The following KCNK10 variants were observed in gnomAD, a reference collection of about 807,000 sequenced individuals.
KCNK10 encodes the protein potassium two pore domain channel subfamily K member 10.
In KCNK10, 25 loss-of-function variants were observed where a neutral mutation model predicts 47.7. That is an observed-to-expected ratio of 0.52 (90% confidence interval 0.38 to 0.73). The LOEUF is 0.73. Ranked by LOEUF, KCNK10 falls within the 30% of genes least tolerant of loss-of-function variation. The pLI is 0.00. For synonymous variants in KCNK10, 303 were observed against 285.6 expected (o/e 1.06, Z -0.61); for missense variants, 563 against 714.5 (o/e 0.79, Z 2.42).
chr14:88,278,113 C>A (rs535648646), intron 1 of KCNK10, among the ~76,000 whole-genome samples: 2 of 152,110 alleles, frequency 1.3e-5, no homozygotes, highest in Non-Finnish European at 2.9e-5. Context: ...TGAGAGCTGG[C>A]GGTATCTTCA....
intron 4 of KCNK10, among the ~76,000 whole-genome samples, chr14:88,208,551 G>GT (rs1357666661): frequency 8.5e-5 from 13 of 152,106 alleles, no homozygotes; most frequent in African/African-American, 2.9e-4. Flanking sequence ...GAAAGAAAGT[G>GT]GTAATAACAT....
At chr14:88,233,364 T>C (rs959660277) in intron 3 of KCNK10, among the ~76,000 whole-genome samples, 1 of 152,164 alleles carries the variant, frequency 6.6e-6, no homozygotes, top group African/African-American at 2.4e-5. Flanking sequence ...AGACTTACCT[T>C]TAGTAAGAAA....
chr14:88,190,140 A>T (rs1342148799), intron 5 of KCNK10, among the ~76,000 whole-genome samples: 1 of 152,172 alleles, frequency 6.6e-6, no homozygotes, highest in Non-Finnish European at 1.5e-5. Context: ...TAATAAAAGC[A>T]TCACTTAAAA....
intron 4 of KCNK10, among the ~76,000 whole-genome samples, chr14:88,216,687 C>T (rs924072143): frequency 2.0e-5 from 3 of 152,184 alleles, no homozygotes; most frequent in Non-Finnish European, 4.4e-5. Context: ...CCCAAATGTA[C>T]ATTCTGGCCC....
At chr14:88,195,635 C>G (rs1884888495) in intron 4 of KCNK10, among the ~76,000 whole-genome samples, 1 of 152,158 alleles carries the variant, frequency 6.6e-6, no homozygotes, top group Non-Finnish European at 1.5e-5. Context: ...GGTTTGAGCT[C>G]TCAGACAGTC....
At chr14:88,232,305 G>C (rs1408477331) in intron 3 of KCNK10, among the ~76,000 whole-genome samples, 1 of 152,162 alleles carries the variant, frequency 6.6e-6, no homozygotes, top group East Asian at 1.9e-4. Flanking sequence ...AAGGGAACAG[G>C]CCAATATTTG....
At chr14:88,217,861 T>A (rs899020193) in intron 4 of KCNK10, among the ~76,000 whole-genome samples, 1 of 152,110 alleles carries the variant, frequency 6.6e-6, no homozygotes, top group African/African-American at 2.4e-5. Flanking sequence ...TAGCTAGAAC[T>A]ATAAGCACAC....
intron 1 of KCNK10, among the ~76,000 whole-genome samples, chr14:88,297,686 T>G (rs936329833): frequency 1.3e-5 from 2 of 152,194 alleles, no homozygotes; most frequent in Non-Finnish European, 2.9e-5. Context: ...AATTTTCCTT[T>G]AAAAGAATTC....
intron 4 of KCNK10, among the ~76,000 whole-genome samples, chr14:88,207,544 G>A (rs2139846547): frequency 6.6e-6 from 1 of 152,246 alleles, no homozygotes; most frequent in South Asian, 2.1e-4. Flanking sequence ...GATAGGGGAT[G>A]TCTCACTATG....
chr14:88,203,076 A>G (rs972890053), intron 4 of KCNK10, among the ~76,000 whole-genome samples: 1 of 152,128 alleles, frequency 6.6e-6, no homozygotes, highest in African/African-American at 2.4e-5. Context: ...ATGTTATATA[A>G]AGAAACAGGG....
chr14:88,260,757 G>A lies in KCNK10; in HGVS notation c.402+2445C>T, dbSNP rs1315031515. Among the ~76,000 whole-genome samples the A allele has an allele frequency of 6.6e-6, 1 of 152,176 alleles. No homozygotes were observed. The highest frequency in any genetic ancestry group is 1.5e-5 in the Non-Finnish European group (1 of 68,024). On this transcript the variant is annotated intron_variant, in intron 2 of 6. Transcript: ENST00000319231. The surrounding 1 kb of genome is among the most constrained non-coding windows in gnomAD (Gnocchi z 4.5). ...ATATGATGCCCAGCTCATAACAGAT[G>A]CCTAATAAAGAGCAGCTTTTTAAAT...
At chr14:88,243,550 G>A (rs1886539830) in intron 2 of KCNK10, among the ~76,000 whole-genome samples, 1 of 152,192 alleles carries the variant, frequency 6.6e-6, no homozygotes. Flanking sequence ...AGGCAGAAGA[G>A]ACCTCACGAG....
chr14:88,204,629 C>T (rs1028808629), intron 4 of KCNK10, among the ~76,000 whole-genome samples: 1 of 149,832 alleles, frequency 6.7e-6, no homozygotes, highest in Non-Finnish European at 1.5e-5. Context: ...TGACCCCTCT[C>T]TCTTGCTGTA....
rs1054356631 is a variant in KCNK10, at chr14:88,268,887, C to T, written c.53-5336G>A. 3.9e-5 allele frequency among the ~76,000 whole-genome samples: 6 copies of T among 152,160 alleles called. No individual in the cohort carries two copies. The South Asian group carries it at 6.2e-4, about 16-fold the overall frequency. ...CCTCAAGAATATCTGCATGGCTGGG[C>T]GCAGTGGCTCACACCTGTAATCCCA... On this transcript the variant is annotated intron_variant, in intron 1 of 6. Transcript: ENST00000319231.
intron 2 of KCNK10, among the ~76,000 whole-genome samples, chr14:88,244,313 T>A (rs1189226484): frequency 1.3e-5 from 2 of 152,244 alleles, no homozygotes; most frequent in Non-Finnish European, 2.9e-5. Context: ...CGAAGTATTT[T>A]CAAATGATCT....
intron 2 of KCNK10, among the ~76,000 whole-genome samples, chr14:88,249,939 A>C (rs1194143831): frequency 6.6e-6 from 1 of 152,184 alleles, no homozygotes; most frequent in Non-Finnish European, 1.5e-5. Context: ...AGTTATATAA[A>C]TGAATACATT....
At chr14:88,243,526 T>C (rs1886538930) in intron 2 of KCNK10, among the ~76,000 whole-genome samples, 1 of 152,188 alleles carries the variant, frequency 6.6e-6, no homozygotes, top group African/African-American at 2.4e-5. Context: ...AGGATAGCCA[T>C]TGTCCCAGAA....
In KCNK10 at chr14:88,260,937, C is replaced by T. The variant is rs963876008; in HGVS notation, c.402+2265G>A. Reference sequence around the variant, plus strand: ...GGCAGCATCAGAATAAGGACCTCCACGCTCTCTGACCCTGTCCTTCATTCA... The same window carrying T: ...GGCAGCATCAGAATAAGGACCTCCATGCTCTCTGACCCTGTCCTTCATTCA... On this transcript the variant is annotated intron_variant, in intron 2 of 6. Coordinates refer to ENST00000319231, the MANE Select transcript of KCNK10 (RefSeq NM_138317.3). This position sits in a 1 kb window ranked among gnomAD's most constrained non-coding sequence, Gnocchi z 4.5. Among the ~76,000 whole-genome samples the T allele has an allele frequency of 6.6e-5, 10 of 152,212 alleles. No homozygotes were observed. The highest frequency in any genetic ancestry group is 1.4e-4 in the African/African-American group (6 of 41,442).
chr14:88,202,477 A>T (rs1204678589), intron 4 of KCNK10, among the ~76,000 whole-genome samples: 3 of 152,208 alleles, frequency 2.0e-5, no homozygotes, highest in African/African-American at 7.2e-5. Context: ...AGGCTTTCCC[A>T]GCCATAAAGA....
Sources: allele counts gnomAD v4.1 joint callset (sites outside exome capture counted in the v4.1 genomes callset), GRCh38; gene constraint gnomAD v4.1.1; non-coding constraint Gnocchi (gnomAD v3.1); transcripts MANE v1.5; gene names NCBI Gene and HGNC (gene_info 2026-07-23, HGNC 2026-07-21).